The following WTAP variants were observed in gnomAD, a reference collection of about 807,000 sequenced individuals.
The protein encoded by WTAP is pre-mRNA-splicing regulator WTAP.
WTAP carries 8 observed loss-of-function variants against 50.0 expected under a neutral mutation model. That is an observed-to-expected ratio of 0.16 (90% CI 0.09 to 0.29). The LOEUF (loss-of-function observed/expected upper bound fraction) is 0.29. Among genes scored for constraint, WTAP ranks in the 10% least tolerant of loss-of-function variants. The pLI is 1.00. For synonymous variants in WTAP, 194 were observed against 169.0 expected, an observed-to-expected ratio of 1.15 and a Z score of -1.15; for missense variants, 295 against 470.7, an observed-to-expected ratio of 0.63 and a Z score of 3.45.
intron 4 of WTAP, among the ~76,000 whole-genome samples, chr6:159,743,337 G>C (rs1421474685): frequency 1.3e-5 from 2 of 152,228 alleles, no homozygotes; most frequent in African/African-American, 4.8e-5. Context: ...GTGAGCCTCT[G>C]TGCCCAGACA....
chr6:159,732,342 G>A (rs1410759513), intron 1 of WTAP, among the ~76,000 whole-genome samples: 2 of 152,004 alleles, frequency 1.3e-5, no homozygotes, highest in African/African-American at 2.4e-5. Context: ...TAGATAAAAG[G>A]TATACCACCT....
chr6:159,729,868 C>T (rs1363495137), intron 1 of WTAP, among the ~76,000 whole-genome samples: 1 of 152,142 alleles, frequency 6.6e-6, no homozygotes, highest in Admixed American at 6.5e-5. Context: ...TCAGAGGGAA[C>T]TGAGTTACCT....
chr6:159,735,299 G>A (rs572515410), intron 1 of WTAP, among the ~76,000 whole-genome samples: 3 of 151,900 alleles, frequency 2.0e-5, no homozygotes, highest in Admixed American at 6.6e-5. Flanking sequence ...CCACTACGCC[G>A]GGCTAATTTT....
At chr6:159,730,867 T>G (rs1418918589) in intron 1 of WTAP, 1 of 152,180 alleles carries the variant, frequency 6.6e-6, no homozygotes, top group Admixed American at 6.5e-5. Flanking sequence ...AAGCACCATT[T>G]AATTAAAATC....
chr6:159,730,338 G>A (rs59089437), intron 1 of WTAP, among the ~76,000 whole-genome samples: 12,649 of 152,090 alleles, frequency 0.083, 1,165 homozygotes, highest in African/African-American at 0.22. Flanking sequence ...TGGTCATTCT[G>A]TTTTTCTGAT....
At chr6:159,745,041 G>T (rs981858259) in intron 5 of WTAP, 1 of 152,146 alleles carries the variant, frequency 6.6e-6, no homozygotes, top group Non-Finnish European at 1.5e-5. Context: ...CAGTTTTGTT[G>T]TAATTCTTAC....
chr6:159,755,016 T>C lies in WTAP; in HGVS notation c.608-12T>C, dbSNP rs1290972320. Reference sequence around the variant, plus strand: ...AACGATATTAAAGTTGGTCTGACTCTCCTTTGCACAGAACTGAATGACTTC... The same window carrying C: ...AACGATATTAAAGTTGGTCTGACTCCCCTTTGCACAGAACTGAATGACTTC... On this transcript the variant is annotated splice_polypyrimidine_tract_variant and intron_variant, in intron 7 of 7. Transcript: ENST00000621533. 6.3e-7 allele frequency: 1 copy of C among 1,584,162 alleles called. No homozygotes were observed. The highest frequency in any genetic ancestry group is 8.6e-7 in the Non-Finnish European group (1 of 1,164,052).
intron 2 of WTAP, chr6:159,736,624 A>G: frequency 5.1e-6 from 1 of 197,550 alleles, no homozygotes; most frequent in Admixed American, 5.7e-5. Flanking sequence ...CATATATACA[A>G]ATAATGTCAA....
At position 159,727,668 on chromosome 6, in the gene WTAP, C is replaced by T. The variant is rs1372472918; in HGVS notation, c.-44C>T. 13 of 984,580 alleles carry T rather than the reference C, an allele frequency of 1.3e-5. No individual in the cohort carries two copies. The highest frequency in any genetic ancestry group is 1.6e-5 in the Non-Finnish European group (13 of 830,028). 61.0% of individuals were successfully genotyped at this position (984,580 alleles called of 1,614,324 possible). On this transcript the variant is annotated 5_prime_UTR_variant, in exon 1 of 8. It introduces an in-frame stop codon into an upstream open reading frame of the 5' UTR. Coordinates refer to ENST00000621533, the MANE Select transcript of WTAP (RefSeq NM_001270531.2). The stretch of plus-strand genomic sequence containing the variant: ...GCAAGCAGCGCGGCCTCGGCCTATG[C>T]GACCGGTGGCGCCGGCGCGGCTTCT...
intron 7 of WTAP, 38 bp from the exon 8 acceptor site, chr6:159,754,990 A>G: frequency 6.5e-7 from 1 of 1,541,892 alleles, no homozygotes; most frequent in Non-Finnish European, 8.7e-7. Context: ...TCAATGTTAT[A>G]AACGATATTA....
In WTAP at chr6:159,748,494, C is replaced by T. The variant is rs1429405639; in HGVS notation, c.452+125C>T. 17 of 1,483,022 alleles carry T rather than the reference C, an allele frequency of 1.1e-5. No individual in the cohort carries two copies. Among genetic ancestry groups the T allele is most frequent in the Non-Finnish European group, 1.5e-5 (17 of 1,116,700 alleles). 91.9% of individuals were successfully genotyped at this position (1,483,022 alleles called of 1,614,324 possible). A position where few individuals can be genotyped will look rare whatever the true frequency, so the allele number is the denominator to read the frequency against. On this transcript the variant is annotated intron_variant, in intron 6 of 7. Coordinates refer to ENST00000621533, the MANE Select transcript of WTAP (RefSeq NM_001270531.2). This position sits in a 1 kb window ranked among gnomAD's most constrained non-coding sequence, Gnocchi z 5.6. ...GACTTTTTGAGCCAAAAAAAAGCCA[C>T]ATTCTTACACTGTCCAGCTTGTAAT...
intron 7 of WTAP, among the ~76,000 whole-genome samples, chr6:159,754,145 T>C (rs760401967): frequency 6.6e-6 from 1 of 152,204 alleles, no homozygotes; most frequent in East Asian, 1.9e-4. Flanking sequence ...GTAAGGTGCA[T>C]TATTAATAAG....
upstream of WTAP, chr6:159,727,309 G>A: frequency 1.6e-6 from 2 of 1,280,716 alleles, no homozygotes; most frequent in Non-Finnish European, 1.0e-6. Context: ...AGTGACTGCG[G>A]CCACGCCTGA....
intron 3 of WTAP, among the ~76,000 whole-genome samples, chr6:159,739,476 G>A (rs1423700932): frequency 6.6e-6 from 1 of 152,158 alleles, no homozygotes; most frequent in East Asian, 1.9e-4. Context: ...TTAAGTTATT[G>A]TTAAAGGTGA....
At chr6:159,733,811 G>A (rs1282766707) in intron 1 of WTAP, among the ~76,000 whole-genome samples, 3 of 152,166 alleles carry the variant, frequency 2.0e-5, no homozygotes, top group Non-Finnish European at 4.4e-5. Context: ...AGCTACTTGG[G>A]AGGCTGAGGC....
chr6:159,732,428 C>T (rs1000631498), intron 1 of WTAP, among the ~76,000 whole-genome samples: 1 of 152,146 alleles, frequency 6.6e-6, no homozygotes, highest in African/African-American at 2.4e-5. Context: ...ACGTGAAGTT[C>T]CTGGTTGGTT....
Position 159,755,313 on chromosome 6 carries a change from C to T in WTAP, c.893C>T (p.Thr298Ile). Residue 298 changes from threonine (T) to isoleucine (I), a missense_variant, in exon 8 of 8, where the codon ACA becomes ATA. By Grantham distance (89) the Thr-to-Ile change is moderately conservative (BLOSUM62 -1). Around this residue, in one of 2 missense-constraint regions of WTAP, gnomAD observed 175 missense variants for 183.1 expected, o/e 0.96. Transcript: ENST00000621533. The part of the protein sequence containing the change: ...SGSGFHREGN[T>I]TEDDFPSSPG... ...TCTGGATTTCACAGGGAGGGCAACA[C>T]AACCGAAGATGACTTTCCTTCTTCT... 1 of 1,614,242 alleles carries T rather than the reference C, an allele frequency of 6.2e-7. No individual in the cohort carries two copies. Among genetic ancestry groups the T allele is most frequent in the Non-Finnish European group, 8.5e-7 (1 of 1,180,042 alleles).
At chr6:159,734,299 C>T (rs1164457340) in intron 1 of WTAP, among the ~76,000 whole-genome samples, 1 of 151,412 alleles carries the variant, frequency 6.6e-6, no homozygotes, top group Non-Finnish European at 1.5e-5. Context: ...CAAGTGTGAG[C>T]CACCACACCA....
At chr6:159,737,744 A>G (rs1779009234) in intron 2 of WTAP, among the ~76,000 whole-genome samples, 1 of 152,142 alleles carries the variant, frequency 6.6e-6, no homozygotes, top group Admixed American at 6.5e-5. Context: ...CTCCCGCCTC[A>G]GTCTCCCAAA....
Sources: gnomAD v4.1 joint callset for allele counts (sites outside exome capture counted in the v4.1 genomes callset) on GRCh38, gnomAD v4.1.1 for gene constraint, gnomAD v4.1.1 regional missense constraint, Gnocchi (gnomAD v3.1) non-coding constraint, MANE v1.5 for transcripts, NCBI Gene and HGNC (gene_info 2026-07-23, HGNC 2026-07-21) for gene names.